The following CNTNAP2 variants were observed in gnomAD, a reference collection of about 807,000 sequenced individuals.
The protein encoded by CNTNAP2 is contactin-associated protein-like 2.
In CNTNAP2, 98 loss-of-function variants were observed where a neutral mutation model predicts 155.2. The observed-to-expected ratio is 0.63, with a 90% CI of 0.54 to 0.75. The LOEUF is 0.75. Ranked by LOEUF, CNTNAP2 falls within the 30% of genes least tolerant of loss-of-function variation. The pLI, the probability that CNTNAP2 is intolerant of heterozygous loss-of-function variation, is 0.00. For missense variants in CNTNAP2, 1,727 were observed against 1,688.1 expected, an observed-to-expected ratio of 1.02 and a Z score of -0.40; for synonymous variants, 651 against 631.2, an observed-to-expected ratio of 1.03 and a Z score of -0.47.
At chr7:147,973,160 T>TACAAAAAAAA (rs1801364269) in intron 14 of CNTNAP2, among the ~76,000 whole-genome samples, 1 of 120,856 alleles carries the variant, frequency 8.3e-6, no homozygotes, top group Non-Finnish European at 1.6e-5. Flanking sequence ...TCTCTAAAAT[T>TACAAAAAAAA]AAAAAAAAAA....
chr7:148,006,668 A>G (rs1801988617), intron 15 of CNTNAP2, among the ~76,000 whole-genome samples: 1 of 149,176 alleles, frequency 6.7e-6, no homozygotes, highest in South Asian at 2.1e-4. Flanking sequence ...AAACTGAGTT[A>G]GGCTTACAGA....
At chr7:147,419,621 A>T (rs1797255632) in intron 10 of CNTNAP2, among the ~76,000 whole-genome samples, 2 of 152,256 alleles carry the variant, frequency 1.3e-5, no homozygotes, top group South Asian at 4.1e-4. Flanking sequence ...CCTGAGCTTA[A>T]ATTTTGGCTT....
chr7:146,325,771 TA>T (rs572166876), intron 1 of CNTNAP2, among the ~76,000 whole-genome samples: 15 of 151,272 alleles, frequency 9.9e-5, no homozygotes, highest in African/African-American at 2.9e-4. Context: ...ACATTTTCAA[TA>T]AAAAAAAACT....
intron 15 of CNTNAP2, among the ~76,000 whole-genome samples, chr7:148,071,854 G>A (rs1200210478): frequency 2.0e-5 from 3 of 152,112 alleles, no homozygotes; most frequent in Non-Finnish European, 4.4e-5. Context: ...TGAGAAAGAA[G>A]CTGGAGAAGT....
Position 148,418,646 on chromosome 7 carries a change from G to C in CNTNAP2, c.*3030G>C, listed in dbSNP as rs371305076. On this transcript the variant is annotated 3_prime_UTR_variant, in exon 24 of 24. Coordinates refer to ENST00000361727, the MANE Select transcript of CNTNAP2 (RefSeq NM_014141.6). ...AGAGCTCAAGAAAGCTGGTCCAGGA[G>C]GTTGAAAAAGCTATTTTGTTGTTAA... 20 of 152,310 alleles carry C rather than the reference G, an allele frequency of 1.3e-4. No individual in the cohort carries two copies. The highest frequency in any genetic ancestry group is 4.6e-4 in the African/African-American group (19 of 41,578). The allele number at this position is 152,310 out of a possible 1,614,324, so 9.4% of individuals were successfully genotyped here.
chr7:147,315,263 C>A (rs1795204359), intron 9 of CNTNAP2, among the ~76,000 whole-genome samples: 1 of 135,926 alleles, frequency 7.4e-6, no homozygotes, highest in Admixed American at 7.5e-5. Flanking sequence ...TAAAATTCAC[C>A]ATTTAAAGTG....
chr7:147,783,396 C>T (rs1797687393), intron 13 of CNTNAP2, among the ~76,000 whole-genome samples: 1 of 152,148 alleles, frequency 6.6e-6, no homozygotes, highest in Non-Finnish European at 1.5e-5. Context: ...AGACTTACTA[C>T]AGGTGTCCAT....
At chr7:146,408,456 C>T (rs1322325648) in intron 1 of CNTNAP2, among the ~76,000 whole-genome samples, 1 of 152,030 alleles carries the variant, frequency 6.6e-6, no homozygotes, top group Non-Finnish European at 1.5e-5. Context: ...AGGTGAACAA[C>T]TAATAGTCCT....
Position 147,128,572 on chromosome 7 carries a change from T to G in CNTNAP2, c.940-121T>G, listed in dbSNP as rs1055000594. ...TATGCCATAGATTTTGGAGGCAGAA[T>G]GCTATAATATTTGTATATTTTGGTT... On this transcript the variant is annotated intron_variant, in intron 6 of 23. Coordinates refer to ENST00000361727, the MANE Select transcript of CNTNAP2 (RefSeq NM_014141.6). 5.6e-6 allele frequency: 6 copies of G among 1,076,890 alleles called. No individual in the cohort carries two copies. The African/African-American group carries it at 9.5e-5, about 17-fold the overall frequency. The allele number at this position is 1,076,890 out of a possible 1,614,324, so 66.7% of individuals were successfully genotyped here.
intron 1 of CNTNAP2, among the ~76,000 whole-genome samples, chr7:146,772,301 G>A (rs1802306027): frequency 6.6e-6 from 1 of 152,014 alleles, no homozygotes; most frequent in African/African-American, 2.4e-5. Context: ...AGAGACCTGT[G>A]ACAAGAGAGG....
intron 9 of CNTNAP2, among the ~76,000 whole-genome samples, chr7:147,332,879 A>G (rs1795597388): frequency 6.6e-6 from 1 of 152,114 alleles, no homozygotes; most frequent in Non-Finnish European, 1.5e-5. Flanking sequence ...AATAATCATC[A>G]TAATTATCAA....
chr7:148,142,125 G>GTGTGTGTGTC (rs1805087268), intron 16 of CNTNAP2, among the ~76,000 whole-genome samples: 2 of 151,572 alleles, frequency 1.3e-5, no homozygotes, highest in African/African-American at 4.8e-5. Context: ...GTGTGTGTGT[G>GTGTGTGTGTC]TGTGTGTGTT....
chr7:146,151,415 G>T (rs1038605807), intron 1 of CNTNAP2, among the ~76,000 whole-genome samples: 2 of 150,812 alleles, frequency 1.3e-5, no homozygotes, highest in Admixed American at 6.6e-5. Context: ...CCAATACATA[G>T]TAACCACCAT....
chr7:147,915,665 A>C (rs777094986), intron 14 of CNTNAP2, among the ~76,000 whole-genome samples: 3 of 151,074 alleles, frequency 2.0e-5, no homozygotes, highest in Non-Finnish European at 4.4e-5. Context: ...CATTTTCATT[A>C]AGTTAAGCTT....
intron 15 of CNTNAP2, among the ~76,000 whole-genome samples, chr7:148,071,869 T>G (rs968822275): frequency 6.6e-6 from 1 of 152,240 alleles, no homozygotes; most frequent in African/African-American, 2.4e-5. Flanking sequence ...AGAAGTCATT[T>G]GAAAATTCAT....
chr7:147,709,461 T>C (rs2117013989), intron 13 of CNTNAP2, among the ~76,000 whole-genome samples: 1 of 152,340 alleles, frequency 6.6e-6, no homozygotes, highest in East Asian at 1.9e-4. Context: ...AGAGCTCTTT[T>C]TGTAAAGATG....
chr7:146,786,400 A>T (rs1802575117), intron 2 of CNTNAP2, among the ~76,000 whole-genome samples: 1 of 152,180 alleles, frequency 6.6e-6, no homozygotes, highest in Admixed American at 6.5e-5. Flanking sequence ...TGACTTTTTC[A>T]CATTTTTTTC....
intron 13 of CNTNAP2, among the ~76,000 whole-genome samples, chr7:147,866,270 G>A (rs370099777): frequency 5.4e-4 from 65 of 119,694 alleles, no homozygotes; most frequent in Middle Eastern, 4.2e-3. Context: ...TAAATTGATT[G>A]CACTGTGGTC....
At chr7:147,915,705 TAAAA>T (rs11349544) in intron 14 of CNTNAP2, among the ~76,000 whole-genome samples, 1 of 140,958 alleles carries the variant, frequency 7.1e-6, no homozygotes. Flanking sequence ...AAGCTTTGTT[TAAAA>T]AAAAAAAAAA....
Sources: allele counts gnomAD v4.1 joint callset (sites outside exome capture counted in the v4.1 genomes callset), GRCh38; gene constraint gnomAD v4.1.1; transcripts MANE v1.5; gene names NCBI Gene and HGNC (gene_info 2026-07-23, HGNC 2026-07-21).